Variants in ANP32A observed in about 807,000 individuals in gnomAD.
The protein encoded by ANP32A is acidic nuclear phosphoprotein 32 family member A.
Under a neutral mutation model 33.9 loss-of-function variants are expected in ANP32A, and 1 was observed. That is an observed-to-expected ratio of 0.03 (90% confidence interval 0.01 to 0.14). The LOEUF (loss-of-function observed/expected upper bound fraction) is 0.14. Among genes scored for constraint, ANP32A ranks in the 10% least tolerant of loss-of-function variants. The pLI is 1.00. For missense variants in ANP32A, 155 were observed against 306.0 expected, an observed-to-expected ratio of 0.51 and a Z score of 3.68; for synonymous variants, 115 against 120.5, an observed-to-expected ratio of 0.95 and a Z score of 0.30.
chr15:68,782,692 CG>C, intron 5 of ANP32A: 1 of 509,560 alleles, frequency 2.0e-6, no homozygotes, highest in Non-Finnish European at 3.4e-6. Context: ...ATAGAAACAA[CG>C]GCCAGGCTTA....
chr15:68,786,032 A>G (rs900693921), intron 3 of ANP32A, among the ~76,000 whole-genome samples: 2 of 152,154 alleles, frequency 1.3e-5, no homozygotes, highest in Admixed American at 6.5e-5. Flanking sequence ...TGGAAAAGAA[A>G]TGCCAGTGTC....
chr15:68,820,361 G>A (rs1043078632), intron 1 of ANP32A, among the ~76,000 whole-genome samples: 12 of 152,072 alleles, frequency 7.9e-5, no homozygotes, highest in African/African-American at 2.7e-4. Context: ...AGCGATCTCC[G>A]AGGGTGATTT....
chr15:68,799,547 G>A (rs1052702667), intron 1 of ANP32A, among the ~76,000 whole-genome samples: 1 of 152,130 alleles, frequency 6.6e-6, no homozygotes, highest in Non-Finnish European at 1.5e-5. Flanking sequence ...CACATGACTC[G>A]AGACAATGTA....
chr15:68,799,798 C>T lies in ANP32A; in HGVS notation c.55-11879G>A, dbSNP rs532809351. Among the ~76,000 whole-genome samples the T allele has an allele frequency of 2.6e-4, 39 of 152,290 alleles. No homozygotes were observed. In the East Asian group the frequency reaches 6.7e-3, roughly 26 times the overall value. ...AGGAAGGCATCTGAAAACTGGGATA[C>T]TAGAAGAACAATTGAAGGAACTAGT... On this transcript the variant is annotated intron_variant, in intron 1 of 6. Transcript: ENST00000465139.
intron 1 of ANP32A, among the ~76,000 whole-genome samples, chr15:68,795,495 C>T (rs1378025767): frequency 1.3e-5 from 2 of 152,188 alleles, no homozygotes; most frequent in Non-Finnish European, 2.9e-5. Context: ...GCCGCCGGCG[C>T]GGGGAGGGCC....
intron 1 of ANP32A, among the ~76,000 whole-genome samples, chr15:68,817,880 C>T (rs1894407310): frequency 6.6e-6 from 1 of 152,000 alleles, no homozygotes; most frequent in Non-Finnish European, 1.5e-5. Context: ...GACTCCGCTC[C>T]CCCCGCCCCC....
Position 68,784,461 on chromosome 15 carries a change from C to T in ANP32A, c.462G>A (p.Glu154=). The change falls in exon 4 of 7, where the codon GAG becomes GAA. Residue 154 remains glutamate, a synonymous_variant. Coordinates refer to ENST00000465139, the MANE Select transcript of ANP32A (RefSeq NM_006305.4). ...YLDGYDRDDK[E]APDSDAEGYV... The stretch of plus-strand genomic sequence containing the variant: ...AGCCCTCAGCATCCGAGTCAGGGGC[C>T]TCCTTGTCGTCCCGGTCATAGCCGT... 1 of 1,614,168 alleles carries T rather than the reference C, an allele frequency of 6.2e-7. No individual in the cohort carries two copies. Among genetic ancestry groups the T allele is most frequent in the Non-Finnish European group, 8.5e-7 (1 of 1,180,042 alleles).
chr15:68,815,741 G>A (rs1177844282), intron 1 of ANP32A, among the ~76,000 whole-genome samples: 1 of 152,230 alleles, frequency 6.6e-6, no homozygotes, highest in Non-Finnish European at 1.5e-5. Flanking sequence ...TGGTTTTGCA[G>A]TGCGAGAACC....
chr15:68,816,533 T>C (rs1038675555), intron 1 of ANP32A, among the ~76,000 whole-genome samples: 1 of 152,186 alleles, frequency 6.6e-6, no homozygotes, highest in East Asian at 1.9e-4. Flanking sequence ...TCCTAAACCA[T>C]GGAGGAGCTC....
intron 1 of ANP32A, among the ~76,000 whole-genome samples, chr15:68,814,292 G>C (rs1324866790): frequency 6.6e-6 from 1 of 152,042 alleles, no homozygotes; most frequent in East Asian, 1.9e-4. Context: ...AGGCACGCTG[G>C]CTCACACCTG....
chr15:68,818,853 C>T (rs1342620450), intron 1 of ANP32A, among the ~76,000 whole-genome samples: 1 of 152,042 alleles, frequency 6.6e-6, no homozygotes, highest in Non-Finnish European at 1.5e-5. Context: ...ACCCAGCCCC[C>T]AAACGCTAGG....
At chr15:68,787,985 G>A in intron 1 of ANP32A, 66 bp from the exon 2 acceptor site, 2 of 1,598,470 alleles carry the variant, frequency 1.3e-6, no homozygotes, top group Non-Finnish European at 1.7e-6. Flanking sequence ...GAGGGTGTTA[G>A]AGGACTCCTC....
intron 1 of ANP32A, among the ~76,000 whole-genome samples, chr15:68,792,792 C>T (rs966569377): frequency 6.6e-6 from 1 of 152,168 alleles, no homozygotes; most frequent in African/African-American, 2.4e-5. Flanking sequence ...CAACTGGCTC[C>T]ATGATCTCAG....
chr15:68,783,417 A>G (rs541542728), intron 4 of ANP32A, among the ~76,000 whole-genome samples: 1 of 152,254 alleles, frequency 6.6e-6, no homozygotes, highest in African/African-American at 2.4e-5. Flanking sequence ...TCTGAGGCAC[A>G]GAGAGAACTG....
In ANP32A at chr15:68,811,063, G is replaced by GAAA. The variant is rs34026847; in HGVS notation, c.54+9632_54+9634dup. On this transcript the variant is annotated intron_variant, in intron 1 of 6. Coordinates refer to ENST00000465139, the MANE Select transcript of ANP32A (RefSeq NM_006305.4). ...GGCCACAGAGTGAGACTCTGTCTGG[G>GAAA]AAAAAAAAAAAAAAAAAAGAATGCT... is the stretch of plus-strand genomic sequence containing the variant. Among the ~76,000 whole-genome samples the GAAA allele has an allele frequency of 4.7e-4, 55 of 117,998 alleles. No homozygotes were observed. In the East Asian group the frequency reaches 6.8e-3, roughly 15 times the overall value. 77.4% of individuals were successfully genotyped at this position (117,998 alleles called of 152,430 possible). A position where few individuals can be genotyped will look rare whatever the true frequency, so the allele number is the denominator to read the frequency against.
chr15:68,788,633 T>C (rs565273522), intron 1 of ANP32A, among the ~76,000 whole-genome samples: 2 of 152,224 alleles, frequency 1.3e-5, no homozygotes, highest in Non-Finnish European at 2.9e-5. Flanking sequence ...TTCTATTTAA[T>C]TTCAATTAAT....
Position 68,780,432 on chromosome 15 carries a change from C to T in ANP32A, c.666G>A (p.Glu222=). The change falls in exon 6 of 7, where the codon GAG becomes GAA. Residue 222 remains glutamate (E), a synonymous_variant. Coordinates refer to ENST00000465139, the MANE Select transcript of ANP32A (RefSeq NM_006305.4). This position sits in a 1 kb window ranked among gnomAD's most constrained non-coding sequence, Gnocchi z 4.3. ...TACCACCAAGCTCTTCTTCATCTTC[C>T]TCGTCATCTACCTCTCCATCGTTAT... ...EGYNDGEVDD[E]EDEEELGEEE... 1 of 1,614,016 alleles carries T rather than the reference C, an allele frequency of 6.2e-7. No homozygotes were observed. Among genetic ancestry groups the T allele is most frequent in the South Asian group, 1.1e-5 (1 of 91,088 alleles).
chr15:68,782,809 A>G, intron 5 of ANP32A, 147 bp downstream of exon 5: 9 of 1,376,796 alleles, frequency 6.5e-6, no homozygotes, highest in Non-Finnish European at 8.6e-6. Context: ...GCCCAGTGAA[A>G]GGCTCTGAAA....
At chr15:68,787,174 T>C (rs763760965) in intron 3 of ANP32A, 2 of 517,360 alleles carry the variant, frequency 3.9e-6, no homozygotes, top group Non-Finnish European at 3.4e-6. Flanking sequence ...ACTAGGGTTC[T>C]ACGCTACCCG....
Sources: gnomAD v4.1 joint callset for allele counts (sites outside exome capture counted in the v4.1 genomes callset) on GRCh38, gnomAD v4.1.1 for gene constraint, Gnocchi (gnomAD v3.1) non-coding constraint, MANE v1.5 for transcripts, NCBI Gene and HGNC (gene_info 2026-07-23, HGNC 2026-07-21) for gene names.